The following SPHKAP variants were observed in gnomAD, a reference collection of about 807,000 sequenced individuals.
SPHKAP encodes the protein SPHK1 interactor, AKAP domain containing.
SPHKAP carries 67 observed loss-of-function variants against 137.5 expected under a neutral mutation model. That is an observed-to-expected ratio of 0.49 (90% CI 0.40 to 0.60). The LOEUF (loss-of-function observed/expected upper bound fraction) is 0.60, where lower values mean the gene tolerates loss of function less well. SPHKAP is among the 20% of genes least tolerant of loss of function. The pLI, the probability that SPHKAP is intolerant of heterozygous loss-of-function variation, is 0.00. For missense variants in SPHKAP, 2,097 were observed against 2,069.3 expected (o/e 1.01, Z -0.26); for synonymous variants, 813 against 785.3 (o/e 1.04, Z -0.59).
In SPHKAP at chr2:228,095,724, AT is replaced by A. The variant is rs964037999; in HGVS notation, c.246+13107del. On this transcript the variant is annotated intron_variant, in intron 3 of 11. Coordinates refer to ENST00000392056, the MANE Select transcript of SPHKAP (RefSeq NM_001142644.2). ...GTGAAGGTCAAGAAAAATATTATTT[AT>A]TTTTTTATTTGCTTTTTAAAGGACA... Among the ~76,000 whole-genome samples, 166 of 152,162 alleles carry A rather than the reference AT, an allele frequency of 1.1e-3. 1 individual carries two copies. Among genetic ancestry groups the A allele is most frequent in the African/African-American group, 3.6e-3 (148 of 41,526 alleles).
At chr2:228,049,907 A>G (rs1258263755) in intron 3 of SPHKAP, among the ~76,000 whole-genome samples, 1 of 152,206 alleles carries the variant, frequency 6.6e-6, no homozygotes, top group African/African-American at 2.4e-5. Flanking sequence ...CAGAAAACCT[A>G]CAGAATGGGA....
chr2:228,005,588 C>A (rs557603998), intron 7 of SPHKAP, among the ~76,000 whole-genome samples: 2 of 152,314 alleles, frequency 1.3e-5, no homozygotes, highest in South Asian at 2.1e-4. Context: ...TTGATCATGT[C>A]TTTATGATGT....
At chr2:228,037,605 A>AC (rs1369467917) in intron 3 of SPHKAP, among the ~76,000 whole-genome samples, 12 of 151,770 alleles carry the variant, frequency 7.9e-5, no homozygotes, top group African/African-American at 2.9e-4. Context: ...TGTAAACAGA[A>AC]CCCCCCTCAA....
chr2:228,053,205 C>A (rs1696318794), intron 3 of SPHKAP, among the ~76,000 whole-genome samples: 1 of 152,106 alleles, frequency 6.6e-6, no homozygotes, highest in African/African-American at 2.4e-5. Flanking sequence ...TAAGGGCAAT[C>A]TCCCTATAAA....
chr2:228,117,234 A>G (rs1309113399), intron 2 of SPHKAP, among the ~76,000 whole-genome samples: 1 of 152,158 alleles, frequency 6.6e-6, no homozygotes, highest in Non-Finnish European at 1.5e-5. Context: ...TCTTGAATAC[A>G]TTTATTAGAC....
At chr2:228,120,888 C>A (rs1698881039) in intron 2 of SPHKAP, among the ~76,000 whole-genome samples, 2 of 152,058 alleles carry the variant, frequency 1.3e-5, no homozygotes, top group South Asian at 4.1e-4. Context: ...TATGAATGAT[C>A]AGCAATGGTT....
chr2:228,158,914 A>G (rs1421700024), intron 1 of SPHKAP, among the ~76,000 whole-genome samples: 2 of 152,264 alleles, frequency 1.3e-5, no homozygotes, highest in African/African-American at 2.4e-5. Context: ...AATACCAAAT[A>G]CTTCCAATTT....
chr2:228,108,216 A>G (rs1698403518), intron 3 of SPHKAP, among the ~76,000 whole-genome samples: 1 of 152,204 alleles, frequency 6.6e-6, no homozygotes, highest in Non-Finnish European at 1.5e-5. Flanking sequence ...TGAAACATAT[A>G]GTTTTCTCTA....
At chr2:228,041,773 G>A (rs1156365722) in intron 3 of SPHKAP, among the ~76,000 whole-genome samples, 1 of 151,960 alleles carries the variant, frequency 6.6e-6, no homozygotes, top group South Asian at 2.1e-4. Flanking sequence ...CAGATTTGCT[G>A]AATGAATCTA....
At chr2:228,111,641 A>T (rs374037652) in intron 2 of SPHKAP, among the ~76,000 whole-genome samples, 3 of 152,136 alleles carry the variant, frequency 2.0e-5, no homozygotes, top group Non-Finnish European at 4.4e-5. Flanking sequence ...AAATTTTCCT[A>T]TATGTATATT....
chr2:228,150,018 T>G (rs1699884689), intron 1 of SPHKAP, among the ~76,000 whole-genome samples: 1 of 152,188 alleles, frequency 6.6e-6, no homozygotes, highest in Non-Finnish European at 1.5e-5. Flanking sequence ...CCATGTATTA[T>G]GCTTGCTACA....
intron 3 of SPHKAP, among the ~76,000 whole-genome samples, chr2:228,080,765 A>G (rs1237599228): frequency 2.2e-3 from 151 of 67,284 alleles, no homozygotes; most frequent in African/African-American, 8.4e-3. Flanking sequence ...AATAAAATAA[A>G]ATAAAATAAA....
intron 2 of SPHKAP, among the ~76,000 whole-genome samples, chr2:228,120,589 T>C (rs552782343): frequency 6.6e-6 from 1 of 152,306 alleles, no homozygotes; most frequent in South Asian, 2.1e-4. Context: ...CTATTTTTCT[T>C]GTGCCACTCA....
At chr2:227,996,108 T>G (rs556718723) in intron 7 of SPHKAP, 1 of 985,184 alleles carries the variant, frequency 1.0e-6, no homozygotes, top group South Asian at 4.7e-5. Flanking sequence ...TTGATTCTAA[T>G]GCAAGAGGAT....
chr2:228,045,139 C>T (rs1446493310), intron 3 of SPHKAP, among the ~76,000 whole-genome samples: 2 of 151,508 alleles, frequency 1.3e-5, no homozygotes, highest in Non-Finnish European at 2.9e-5. Context: ...AACACTTTTA[C>T]ACTGTTGGTG....
At chr2:228,002,410 T>G (rs1328440964) in intron 7 of SPHKAP, among the ~76,000 whole-genome samples, 5 of 152,144 alleles carry the variant, frequency 3.3e-5, no homozygotes, top group African/African-American at 9.7e-5. Context: ...CACTTTTTGA[T>G]GAGGTTGTTT....
At chr2:228,012,752 T>C (rs957286650) in intron 7 of SPHKAP, among the ~76,000 whole-genome samples, 5 of 152,210 alleles carry the variant, frequency 3.3e-5, no homozygotes, top group African/African-American at 9.6e-5. Flanking sequence ...CAAATATAAA[T>C]GGATACAGCA....
At chr2:228,174,183 A>G (rs535433278) in intron 1 of SPHKAP, among the ~76,000 whole-genome samples, 1 of 152,272 alleles carries the variant, frequency 6.6e-6, no homozygotes, top group African/African-American at 2.4e-5. Context: ...TATAGCATCC[A>G]CCCATCTTTG....
chr2:228,112,469 A>G (rs1698550116), intron 2 of SPHKAP, among the ~76,000 whole-genome samples: 1 of 152,162 alleles, frequency 6.6e-6, no homozygotes, highest in Non-Finnish European at 1.5e-5. Flanking sequence ...GAGAAAAGCA[A>G]CTGTCACTTA....
Sources: gnomAD v4.1 joint callset for allele counts (sites outside exome capture counted in the v4.1 genomes callset) on GRCh38, gnomAD v4.1.1 for gene constraint, MANE v1.5 for transcripts, NCBI Gene and HGNC (gene_info 2026-07-23, HGNC 2026-07-21) for gene names.